WASF3: variants seen among roughly 807,000 people sequenced by gnomAD.
The protein encoded by WASF3 is WASP family member 3, also known as actin-binding protein WASF3.
Under a neutral mutation model 46.6 loss-of-function variants are expected in WASF3, and 11 were observed. The ratio of observed to expected loss-of-function variants is 0.24; its 90% CI spans 0.15 to 0.39. The LOEUF (loss-of-function observed/expected upper bound fraction) is 0.39, where lower values mean the gene tolerates loss of function less well. Among genes scored for constraint, WASF3 ranks in the 10% least tolerant of loss-of-function variants. WASF3 has a pLI of 1.00. For synonymous variants in WASF3, 242 were observed against 259.7 expected (o/e 0.93, Z 0.65); for missense variants, 576 against 669.8 (o/e 0.86, Z 1.55).
At chr13:26,599,149 G>A (rs536930376) in intron 1 of WASF3, among the ~76,000 whole-genome samples, 1 of 150,578 alleles carries the variant, frequency 6.6e-6, no homozygotes, top group Non-Finnish European at 1.5e-5. Flanking sequence ...GGCGTCAGCC[G>A]CTGCGCCTGG....
intron 1 of WASF3, 132 bp downstream of exon 1, chr13:26,557,951 G>A (rs1365490297): frequency 3.3e-5 from 8 of 245,604 alleles, no homozygotes; most frequent in African/African-American, 1.2e-4. Context: ...CGCGCGCTCC[G>A]GCCGGGCGGC....
intron 3 of WASF3, among the ~76,000 whole-genome samples, chr13:26,655,599 A>G (rs926543656): frequency 1.3e-5 from 2 of 152,154 alleles, no homozygotes; most frequent in African/African-American, 4.8e-5. Context: ...ATGATCCTTG[A>G]CAGAAACAGT....
intron 2 of WASF3, among the ~76,000 whole-genome samples, chr13:26,630,390 A>G (rs1297306236): frequency 5.3e-5 from 8 of 151,904 alleles, no homozygotes; most frequent in Non-Finnish European, 8.8e-5. Flanking sequence ...ATTCCCACCT[A>G]TGAGTGAGAA....
At chr13:26,554,489 T>C (rs930174419), upstream of WASF3, among the ~76,000 whole-genome samples, 6 of 152,110 alleles carry the variant, frequency 3.9e-5, no homozygotes, top group Admixed American at 3.3e-4. Flanking sequence ...TACCAATAGT[T>C]GAAGGACAAT....
At chr13:26,656,660 A>G (rs1266441747) in intron 3 of WASF3, among the ~76,000 whole-genome samples, 2 of 152,150 alleles carry the variant, frequency 1.3e-5, no homozygotes, top group African/African-American at 4.8e-5. Flanking sequence ...TTCATCGTCA[A>G]TACTTCCATT....
intron 1 of WASF3, among the ~76,000 whole-genome samples, chr13:26,562,760 C>G (rs1159969257): frequency 6.6e-6 from 1 of 150,762 alleles, no homozygotes; most frequent in Non-Finnish European, 1.5e-5. Flanking sequence ...GGGAGGGAAG[C>G]TGGTTCTTTC....
chr13:26,554,092 C>CTTTCTT (rs1443126879), upstream of WASF3, among the ~76,000 whole-genome samples: 1 of 23,262 alleles, frequency 4.3e-5, no homozygotes, highest in Admixed American at 5.6e-4. Context: ...TCCTTCCTTC[C>CTTTCTT]TTCCTTCTTT....
At chr13:26,544,012 G>A in the WASF3 span, among the ~76,000 whole-genome samples, 1 of 152,252 alleles carries the variant, frequency 6.6e-6, no homozygotes, top group South Asian at 2.1e-4. Context: ...ATGGATGGAG[G>A]CTTTGTGGCC....
At chr13:26,599,383 G>T (rs1880580303) in intron 1 of WASF3, among the ~76,000 whole-genome samples, 1 of 151,944 alleles carries the variant, frequency 6.6e-6, no homozygotes. Context: ...GGTAAAAGCT[G>T]ATTTCTGTCC....
intron 1 of WASF3, among the ~76,000 whole-genome samples, chr13:26,565,900 C>T (rs1879450097): frequency 6.6e-6 from 1 of 152,152 alleles, no homozygotes; most frequent in Non-Finnish European, 1.5e-5. Context: ...AAAACTTCTT[C>T]CATTTCTGAC....
At chr13:26,653,736 T>G (rs1882386399) in intron 3 of WASF3, among the ~76,000 whole-genome samples, 1 of 152,218 alleles carries the variant, frequency 6.6e-6, no homozygotes, top group African/African-American at 2.4e-5. Context: ...GTTCCATGGC[T>G]CAAAGTAACA....
chr13:26,554,171 G>A (rs1879046502), upstream of WASF3, among the ~76,000 whole-genome samples: 1 of 146,348 alleles, frequency 6.8e-6, no homozygotes, highest in Admixed American at 7.0e-5. Flanking sequence ...CTGTCACACA[G>A]GCTGGATTGC....
At chr13:26,571,679 C>T (rs1879642156) in intron 1 of WASF3, among the ~76,000 whole-genome samples, 1 of 152,194 alleles carries the variant, frequency 6.6e-6, no homozygotes, top group South Asian at 2.1e-4. Context: ...CTCTTAGCTC[C>T]TCCCTTGCAC....
intron 2 of WASF3, among the ~76,000 whole-genome samples, chr13:26,616,102 A>G (rs1307150039): frequency 6.6e-6 from 1 of 152,222 alleles, no homozygotes; most frequent in Non-Finnish European, 1.5e-5. Flanking sequence ...TTATGTGGGC[A>G]CATGCTTTTA....
chr13:26,603,819 A>G (rs1484077900), intron 1 of WASF3, among the ~76,000 whole-genome samples: 1 of 152,220 alleles, frequency 6.6e-6, no homozygotes, highest in African/African-American at 2.4e-5. Context: ...GAAATTAAGG[A>G]AAGAAAGACA....
intron 1 of WASF3, among the ~76,000 whole-genome samples, chr13:26,576,433 C>T (rs938885164): frequency 6.6e-6 from 1 of 151,940 alleles, no homozygotes; most frequent in African/African-American, 2.4e-5. Flanking sequence ...TAGTGGTTTA[C>T]GTGGGGAATT....
intron 1 of WASF3, among the ~76,000 whole-genome samples, chr13:26,592,556 T>A (rs1880335906): frequency 6.6e-6 from 1 of 150,496 alleles, no homozygotes; most frequent in Admixed American, 6.6e-5. Flanking sequence ...GTGCAGAGAG[T>A]GTGAGTTTGG....
intron 6 of WASF3, among the ~76,000 whole-genome samples, chr13:26,673,398 A>C (rs1882976015): frequency 6.6e-6 from 1 of 152,208 alleles, no homozygotes; most frequent in South Asian, 2.1e-4. Context: ...CTTGATGTTG[A>C]ATGCCTTCTA....
intron 1 of WASF3, among the ~76,000 whole-genome samples, chr13:26,596,078 A>G (rs1880451340): frequency 1.4e-5 from 2 of 143,968 alleles, no homozygotes; most frequent in African/African-American, 2.6e-5. Flanking sequence ...TAGCTGTACT[A>G]TTTTACATTT....
Sources: allele counts gnomAD v4.1 joint callset (sites outside exome capture counted in the v4.1 genomes callset), GRCh38; gene constraint gnomAD v4.1.1; transcripts MANE v1.5; gene names NCBI Gene and HGNC (gene_info 2026-07-23, HGNC 2026-07-21).